Variants in POM121 observed in about 807,000 individuals in gnomAD.
The protein encoded by POM121 is nuclear envelope pore membrane protein POM 121.
Under a neutral mutation model 81.3 loss-of-function variants are expected in POM121, and 32 were observed. The ratio of observed to expected loss-of-function variants is 0.39; its 90% CI spans 0.30 to 0.53. The LOEUF (loss-of-function observed/expected upper bound fraction) is 0.53. Among genes scored for constraint, POM121 ranks in the 20% least tolerant of loss-of-function variants. The pLI is 0.66. For missense variants in POM121, 1,138 were observed against 1,614.6 expected (o/e 0.70, Z 5.06); for synonymous variants, 514 against 694.2 (o/e 0.74, Z 4.08).
intron 3 of POM121, among the ~76,000 whole-genome samples, chr7:72,893,449 T>C (rs1791512924): frequency 1.3e-5 from 2 of 152,036 alleles, no homozygotes; most frequent in African/African-American, 4.8e-5. Context: ...CCGGGCGTGG[T>C]GGCGGGCGCC....
At chr7:72,935,364 A>G (rs1471423254) in intron 5 of POM121, among the ~76,000 whole-genome samples, 1 of 152,156 alleles carries the variant, frequency 6.6e-6, no homozygotes, top group African/African-American at 2.4e-5. Flanking sequence ...TAATAGAGAC[A>G]CAGTCTCACT....
At chr7:72,929,686 A>T (rs1245928884) in intron 4 of POM121, among the ~76,000 whole-genome samples, 1 of 152,130 alleles carries the variant, frequency 6.6e-6, no homozygotes, top group African/African-American at 2.4e-5. Context: ...GCATCCACTG[A>T]TCTGTCTTCT....
At position 72,940,977 on chromosome 7, in the gene POM121, C is replaced by G. The variant is rs1554500806; in HGVS notation, c.1827C>G (p.Ser609Arg). 1 of 1,586,762 alleles carries G rather than the reference C, an allele frequency of 6.3e-7. No homozygotes were observed. Among genetic ancestry groups the G allele is most frequent in the East Asian group, 2.2e-5 (1 of 44,728 alleles). The stretch of plus-strand genomic sequence containing the variant: ...TGAAGAAGATGCAGACTCCCCCGAG[C>G]CTGCCACCCTGCCCAGGTGAGCTGG... Reference protein sequence around the residue: ...ESLKKMQTPPSLPPCPESAGA... With the variant: ...ESLKKMQTPPRLPPCPESAGA... Residue 609 changes from serine (S) to arginine (R), a missense_variant, in exon 10 of 13, where the codon AGC becomes AGG. By Grantham distance (110) the Ser-to-Arg change is moderately radical. Around this residue, in one of 7 missense-constraint regions of POM121, gnomAD observed 25 missense variants for 214.1 expected, o/e 0.12. Coordinates refer to ENST00000434423, the MANE Select transcript of POM121 (RefSeq NM_001387691.1).
At chr7:72,887,550 A>G (rs2867763) in intron 1 of POM121, among the ~76,000 whole-genome samples, 6 of 152,178 alleles carry the variant, frequency 3.9e-5, no homozygotes, top group Middle Eastern at 3.2e-3. Flanking sequence ...CAGCCCAGGC[A>G]TGGTGGCTTA....
At chr7:72,890,475 A>G (rs1554490721) in intron 1 of POM121, among the ~76,000 whole-genome samples, 1 of 152,132 alleles carries the variant, frequency 6.6e-6, no homozygotes, top group Non-Finnish European at 1.5e-5. Flanking sequence ...ACCCCAAAGG[A>G]TATGTGTTTC....
intron 3 of POM121, among the ~76,000 whole-genome samples, chr7:72,908,296 G>T (rs1793470193): frequency 1.3e-5 from 2 of 152,150 alleles, no homozygotes; most frequent in South Asian, 4.1e-4. Flanking sequence ...TCACATGTCG[G>T]CAGGTTCCGT....
At chr7:72,948,348 C>G (rs781807178), downstream of POM121, 1 of 1,611,622 alleles carries the variant, frequency 6.2e-7, no homozygotes, top group Non-Finnish European at 8.5e-7. Context: ...TGCTCACCAG[C>G]AAGAACACAG....
rs1795348912 is a variant in POM121, at chr7:72,925,658, CCCA to C, written c.540_542del (p.Pro182del). The stretch of plus-strand genomic sequence containing the variant: ...CGCCGCGCTCCCCACCGCCGCGCTC[CCCA>C]CCGCCGCGCTCCCCCCCGCCCTCCC... On this transcript the variant is annotated inframe_deletion, in exon 1 of 13. Transcript: ENST00000434423. 1.4e-5 allele frequency: 17 copies of C among 1,188,612 alleles called. No individual in the cohort carries two copies. Among genetic ancestry groups the C allele is most frequent in the Non-Finnish European group, 1.8e-5 (17 of 960,430 alleles). The allele number at this position is 1,188,612 out of a possible 1,614,324, so 73.6% of individuals were successfully genotyped here.
At position 72,926,265 on chromosome 7, in the gene POM121, T is replaced by A. The variant is rs1457586473; in HGVS notation, c.648T>A (p.Asp216Glu). The change falls in exon 2 of 13, where the codon GAT becomes GAA. Residue 216 changes from aspartate to glutamate, a missense_variant. Asp to Glu is a conservative substitution (Grantham distance 45). This residue lies in a region of POM121 where 646 missense variants were observed against 633.5 expected (regional missense o/e 1.02). Coordinates refer to ENST00000434423, the MANE Select transcript of POM121 (RefSeq NM_001387691.1). Reference protein sequence around the residue: ...LRPSRRPSPRDCGTLPNRFVI... With the variant: ...LRPSRRPSPRECGTLPNRFVI... Reference sequence around the variant, plus strand: ...ATTTGTCTCGCATTCTCTGCAGGGATTGTGGGACTTTACCAAATCGGTTTG... The same window carrying A: ...ATTTGTCTCGCATTCTCTGCAGGGAATGTGGGACTTTACCAAATCGGTTTG... The A allele has an allele frequency of 1.3e-6, 2 of 1,556,692 alleles. No homozygotes were observed. Among genetic ancestry groups the A allele is most frequent in the South Asian group, 1.2e-5 (1 of 85,118 alleles).
At chr7:72,904,004 A>G (rs1328837261) in intron 3 of POM121, among the ~76,000 whole-genome samples, 20 of 152,094 alleles carry the variant, frequency 1.3e-4, no homozygotes, top group Non-Finnish European at 2.2e-4. Context: ...GGGTTTCACC[A>G]TGTTGGCCAG....
intron 3 of POM121, among the ~76,000 whole-genome samples, chr7:72,895,781 C>T (rs1239967353): frequency 1.9e-4 from 29 of 151,822 alleles, no homozygotes; most frequent in Admixed American, 9.8e-4. Context: ...TGGTGGTGCA[C>T]GCCTGTAATC....
At chr7:72,886,740 A>AT (rs1404114160) in intron 1 of POM121, among the ~76,000 whole-genome samples, 12 of 151,354 alleles carry the variant, frequency 7.9e-5, no homozygotes, top group Non-Finnish European at 1.6e-4. Context: ...TCCTGCTTAC[A>AT]TTTTTTTCTA....
chr7:72,930,203 C>T, intron 5 of POM121, 92 bp downstream of exon 5: 1 of 1,450,160 alleles, frequency 6.9e-7, no homozygotes, highest in Non-Finnish European at 9.2e-7. Context: ...CCATGTAATC[C>T]CAGCACTTTG....
At chr7:72,945,958 C>G (rs1274836611) in intron 12 of POM121, among the ~76,000 whole-genome samples, 179 bp from the exon 13 acceptor site, 1 of 152,060 alleles carries the variant, frequency 6.6e-6, no homozygotes, top group Non-Finnish European at 1.5e-5. Flanking sequence ...CGCTCTGAGA[C>G]TCTCTGGGAG....
intron 3 of POM121, among the ~76,000 whole-genome samples, chr7:72,909,030 G>A (rs1793554670): frequency 6.6e-6 from 1 of 152,164 alleles, no homozygotes; most frequent in Non-Finnish European, 1.5e-5. Flanking sequence ...AGTGATAAAT[G>A]TCCATGAAAT....
At chr7:72,888,144 A>G (rs1343431695) in intron 1 of POM121, among the ~76,000 whole-genome samples, 6 of 152,146 alleles carry the variant, frequency 3.9e-5, no homozygotes, top group African/African-American at 1.4e-4. Context: ...GATTACAGGC[A>G]TGAGCCACCA....
intron 3 of POM121, among the ~76,000 whole-genome samples, chr7:72,905,650 A>C (rs1450958760): frequency 6.6e-6 from 1 of 152,222 alleles, no homozygotes; most frequent in Non-Finnish European, 1.5e-5. Context: ...CAGTAAGCCA[A>C]GATTGCACCT....
At chr7:72,927,646 G>A (rs1157645346) in intron 3 of POM121, among the ~76,000 whole-genome samples, 1 of 151,906 alleles carries the variant, frequency 6.6e-6, no homozygotes, top group African/African-American at 2.4e-5. Context: ...GGAGGCGGAG[G>A]TTGCAGTGAG....
Position 72,928,448 on chromosome 7 carries a change from C to T in POM121, c.1086C>T (p.Pro362=), listed in dbSNP as rs781893533. 1.1e-5 allele frequency: 18 copies of T among 1,614,176 alleles called. No homozygotes were observed. The East Asian group carries it at 2.2e-4, about 20-fold the overall frequency. ...AGCCCCTGGTGGCCAATGGAGTCCCCGCTTCTTTTGTGCCTAAGTAAGTGG... is the reference window on the plus strand; with the variant it reads ...AGCCCCTGGTGGCCAATGGAGTCCCTGCTTCTTTTGTGCCTAAGTAAGTGG... The part of the protein sequence containing the change: ...AFEPLVANGV[P]ASFVPKPGSL... Residue 362 remains proline, a synonymous_variant, in exon 4 of 13, where the codon CCC becomes CCT. Transcript: ENST00000434423.
Sources: gnomAD v4.1 joint callset for allele counts (sites outside exome capture counted in the v4.1 genomes callset) on GRCh38, gnomAD v4.1.1 for gene constraint, gnomAD v4.1.1 regional missense constraint, MANE v1.5 for transcripts, NCBI Gene and HGNC (gene_info 2026-07-23, HGNC 2026-07-21) for gene names.